GALNT18: variants seen among roughly 807,000 people sequenced by gnomAD.
The protein encoded by GALNT18 is GalNAc-transferase 18.
Under a neutral mutation model 69.5 loss-of-function variants are expected in GALNT18, and 44 were observed. The observed-to-expected ratio is 0.63, with a 90% confidence interval of 0.50 to 0.81. GALNT18 has a LOEUF of 0.81. Among genes scored for constraint, GALNT18 ranks in the 40% least tolerant of loss-of-function variants. GALNT18 has a pLI of 0.00. For synonymous variants in GALNT18, 364 were observed against 318.2 expected, an observed-to-expected ratio of 1.14 and a Z score of -1.53; for missense variants, 715 against 810.0, an observed-to-expected ratio of 0.88 and a Z score of 1.42.
At chr11:11,311,642 T>G (rs1271776545) in intron 9 of GALNT18, among the ~76,000 whole-genome samples, 2 of 152,128 alleles carry the variant, frequency 1.3e-5, no homozygotes, top group African/African-American at 2.4e-5. Flanking sequence ...TTCCAACCTA[T>G]GCTCATAGCA....
In GALNT18 at chr11:11,614,850, G is replaced by C. The variant is rs1337538309; in HGVS notation, c.235+6509C>G. Among the ~76,000 whole-genome samples, 1 of 152,200 alleles carries C rather than the reference G, an allele frequency of 6.6e-6. No individual in the cohort carries two copies. Among genetic ancestry groups the C allele is most frequent in the Non-Finnish European group, 1.5e-5 (1 of 68,038 alleles). ...GGGAAAATAACAATTTATGTCAAGT[G>C]AGTGGGAAAGAATGTGGAATTCATT... On this transcript the variant is annotated intron_variant, in intron 1 of 10. Coordinates refer to ENST00000227756, the MANE Select transcript of GALNT18 (RefSeq NM_198516.3). This position sits in a 1 kb window ranked among gnomAD's most constrained non-coding sequence, Gnocchi z 5.6.
intron 2 of GALNT18, among the ~76,000 whole-genome samples, chr11:11,445,855 C>T (rs1046337037): frequency 1.3e-5 from 2 of 152,180 alleles, no homozygotes. Context: ...GAAGGTCTCT[C>T]TGTAAGGACG....
At chr11:11,283,210 A>G (rs1307510320) in intron 10 of GALNT18, among the ~76,000 whole-genome samples, 1 of 152,134 alleles carries the variant, frequency 6.6e-6, no homozygotes, top group Non-Finnish European at 1.5e-5. Context: ...GCTGGAGTGC[A>G]GTAGCAGGAT....
At chr11:11,283,565 G>A (rs958318484) in intron 10 of GALNT18, among the ~76,000 whole-genome samples, 5 of 152,166 alleles carry the variant, frequency 3.3e-5, no homozygotes, top group East Asian at 1.9e-4. Flanking sequence ...CATGTTAGCC[G>A]ACTTCTGTCC....
intron 1 of GALNT18, among the ~76,000 whole-genome samples, chr11:11,524,513 G>A (rs1206648832): frequency 6.6e-6 from 1 of 152,184 alleles, no homozygotes; most frequent in Non-Finnish European, 1.5e-5. Context: ...AGCTTTAGGA[G>A]CCATTGCATA....
At chr11:11,453,352 C>A (rs564992271) in intron 1 of GALNT18, among the ~76,000 whole-genome samples, 1 of 152,298 alleles carries the variant, frequency 6.6e-6, no homozygotes, top group African/African-American at 2.4e-5. Context: ...CTGGTTTTCT[C>A]CTCTCCAGCC....
Position 11,383,950 on chromosome 11 carries a change from G to A in GALNT18, c.596-4686C>T, listed in dbSNP as rs1405963681. Among the ~76,000 whole-genome samples, 2 of 152,156 alleles carry A rather than the reference G, an allele frequency of 1.3e-5. No individual in the cohort carries two copies. The highest frequency in any genetic ancestry group is 2.9e-5 in the Non-Finnish European group (2 of 68,036). On this transcript the variant is annotated intron_variant, in intron 3 of 10. Coordinates refer to ENST00000227756, the MANE Select transcript of GALNT18 (RefSeq NM_198516.3). The surrounding 1 kb of genome is among the most constrained non-coding windows in gnomAD (Gnocchi z 5.2). The stretch of plus-strand genomic sequence containing the variant: ...GAGGCCTCCGCAGCCATGTGGAACT[G>A]TGAGTCAATTAAACCTCTTTTCTTT...
chr11:11,514,097 G>A (rs576345616), intron 1 of GALNT18, among the ~76,000 whole-genome samples: 27 of 152,190 alleles, frequency 1.8e-4, no homozygotes, highest in Non-Finnish European at 3.1e-4. Flanking sequence ...TCTAAAATAC[G>A]CTCACTTAAA....
intron 6 of GALNT18, among the ~76,000 whole-genome samples, chr11:11,368,761 A>G (rs1017799301): frequency 1.3e-5 from 2 of 152,166 alleles, no homozygotes; most frequent in Non-Finnish European, 2.9e-5. Context: ...TTTTCTAAGT[A>G]TATAATATAA....
chr11:11,440,457 C>G (rs1554935283), intron 2 of GALNT18, among the ~76,000 whole-genome samples: 1 of 152,106 alleles, frequency 6.6e-6, no homozygotes, highest in Non-Finnish European at 1.5e-5. Flanking sequence ...TCTGCTGGGG[C>G]CGGGAAAGGC....
At chr11:11,344,606 C>A (rs1454634423) in intron 6 of GALNT18, among the ~76,000 whole-genome samples, 8 of 152,188 alleles carry the variant, frequency 5.3e-5, no homozygotes, top group Non-Finnish European at 8.8e-5. Context: ...GCTTTGGAGT[C>A]TGTGGGAACT....
rs1202429478 is a variant in GALNT18, at chr11:11,448,805, T to C, written c.367A>G (p.Asn123Asp). The C allele has an allele frequency of 1.2e-6, 2 of 1,613,186 alleles. No homozygotes were observed. Among genetic ancestry groups the C allele is most frequent in the Non-Finnish European group, 8.5e-7 (1 of 1,179,854 alleles). ...ALKQFQYYGY[N>D]AYLSDRLPLD... ...GGCAGGCGGTCGCTGAGGTAGGCGTTGTAGCCGTAGTACTGGAATTGCTTC... is the reference window on the plus strand; with the variant it reads ...GGCAGGCGGTCGCTGAGGTAGGCGTCGTAGCCGTAGTACTGGAATTGCTTC... The change falls in exon 2 of 11, where the codon AAC becomes GAC. Residue 123 changes from asparagine to aspartate, a missense_variant. Transcript: ENST00000227756.
chr11:11,493,077 A>G (rs1468320706), intron 1 of GALNT18, among the ~76,000 whole-genome samples: 1 of 151,938 alleles, frequency 6.6e-6, no homozygotes, highest in Non-Finnish European at 1.5e-5. Context: ...CCTGGCCAGT[A>G]TGGTGAAACC....
Position 11,341,746 on chromosome 11 carries a change from A to AG in GALNT18, c.1093-743dup, listed in dbSNP as rs1850211661. Among the ~76,000 whole-genome samples, 2 of 152,046 alleles carry AG rather than the reference A, an allele frequency of 1.3e-5. No homozygotes were observed. The highest frequency in any genetic ancestry group is 4.8e-5 in the African/African-American group (2 of 41,372). On this transcript the variant is annotated intron_variant, in intron 6 of 10. Coordinates refer to ENST00000227756, the MANE Select transcript of GALNT18 (RefSeq NM_198516.3). This position sits in a 1 kb window ranked among gnomAD's most constrained non-coding sequence, Gnocchi z 6.3. ...TGAACTTGCACTCTTTTGTGCTTCT[A>AG]GGCTTTGCTCCATTCTGCTGGTAAT...
In GALNT18 at chr11:11,271,222, G is replaced by T. The variant is rs372239180; in HGVS notation, c.1746C>A (p.Phe582Leu). The part of the protein sequence containing the change: ...LELQENSDLE[F>L]GFQLVLQKCS... ...ACTTCTGCAACACCAGCTGGAAGCC[G>T]AACTCCAGGTCGCTATTCTCCTGCA... Residue 582 changes from phenylalanine to leucine, a missense_variant, in exon 11 of 11, where the codon TTC (phenylalanine) becomes TTA (leucine). Coordinates refer to ENST00000227756, the MANE Select transcript of GALNT18 (RefSeq NM_198516.3). 7.4e-6 allele frequency: 12 copies of T among 1,614,070 alleles called. No individual in the cohort carries two copies. Among genetic ancestry groups the T allele is most frequent in the Admixed American group, 1.7e-5 (1 of 60,022 alleles).
At chr11:11,418,826 G>A (rs1173242790) in intron 3 of GALNT18, among the ~76,000 whole-genome samples, 2 of 152,320 alleles carry the variant, frequency 1.3e-5, no homozygotes, top group East Asian at 3.9e-4. Flanking sequence ...TGAATTAGGT[G>A]TGTGATGTTG....
chr11:11,500,856 C>T lies in GALNT18; in HGVS notation c.236-51920G>A, dbSNP rs1856959279. ...AGGCTCTCCCCAAACCTGGGAGTTC[C>T]TTTCCTTCCCTGTCTTTTTGCAGAG... On this transcript the variant is annotated intron_variant, in intron 1 of 10. Transcript: ENST00000227756. The surrounding 1 kb of genome is among the most constrained non-coding windows in gnomAD (Gnocchi z 5.0). Among the ~76,000 whole-genome samples the T allele has an allele frequency of 6.6e-6, 1 of 152,188 alleles. No individual in the cohort carries two copies. The highest frequency in any genetic ancestry group is 6.5e-5 in the Admixed American group (1 of 15,288).
At chr11:11,279,983 G>T (rs1849034867) in intron 10 of GALNT18, among the ~76,000 whole-genome samples, 1 of 152,142 alleles carries the variant, frequency 6.6e-6, no homozygotes, top group Non-Finnish European at 1.5e-5. Context: ...GAAGCAGGGG[G>T]TGCGGGTGGA....
rs917030996 is a variant in GALNT18, at chr11:11,541,603, C to G, written c.235+79756G>C. Among the ~76,000 whole-genome samples the G allele has an allele frequency of 1.3e-5, 2 of 152,150 alleles. No individual in the cohort carries two copies. The highest frequency in any genetic ancestry group is 2.4e-5 in the African/African-American group (1 of 41,432). ...AGCCTTCCTGGGCTGGCACCCCAGCCCCACCCACAAATGCATCTCTGCCTT... is the reference window on the plus strand; with the variant it reads ...AGCCTTCCTGGGCTGGCACCCCAGCGCCACCCACAAATGCATCTCTGCCTT... On this transcript the variant is annotated intron_variant, in intron 1 of 10. Coordinates refer to ENST00000227756, the MANE Select transcript of GALNT18 (RefSeq NM_198516.3). The surrounding 1 kb of genome is among the most constrained non-coding windows in gnomAD (Gnocchi z 4.8).
Sources: allele counts gnomAD v4.1 joint callset (sites outside exome capture counted in the v4.1 genomes callset), GRCh38; gene constraint gnomAD v4.1.1; non-coding constraint Gnocchi (gnomAD v3.1); transcripts MANE v1.5; gene names NCBI Gene and HGNC (gene_info 2026-07-23, HGNC 2026-07-21).